The following PRKN variants were observed in gnomAD, a reference collection of about 807,000 sequenced individuals.
PRKN encodes the protein E3 ubiquitin-protein ligase parkin.
PRKN carries 56 observed loss-of-function variants against 59.5 expected under a neutral mutation model. The ratio of observed to expected loss-of-function variants is 0.94; its 90% CI spans 0.76 to 1.18. The LOEUF is 1.18. Among genes scored for constraint, PRKN ranks in the 50% most tolerant of loss-of-function variants. PRKN has a pLI of 0.00. For synonymous variants in PRKN, 250 were observed against 222.1 expected (o/e 1.13, Z -1.12); for missense variants, 657 against 596.4 (o/e 1.10, Z -1.06).
chr6:162,370,259 G>T (rs1053309831), intron 2 of PRKN, among the ~76,000 whole-genome samples: 1 of 152,062 alleles, frequency 6.6e-6, no homozygotes, highest in Non-Finnish European at 1.5e-5. Context: ...CCTGGCAGAT[G>T]ATTTGGATGT....
At chr6:162,096,059 T>C (rs748527553) in intron 4 of PRKN, among the ~76,000 whole-genome samples, 7 of 152,180 alleles carry the variant, frequency 4.6e-5, no homozygotes, top group Non-Finnish European at 1.0e-4. Flanking sequence ...AGCACTTATT[T>C]CATATGTGGA....
At chr6:161,394,733 A>G (rs543047489) in intron 9 of PRKN, among the ~76,000 whole-genome samples, 5 of 152,276 alleles carry the variant, frequency 3.3e-5, no homozygotes, top group African/African-American at 9.6e-5. Context: ...AATGAGGAGA[A>G]AAGACCCACT....
intron 1 of PRKN, among the ~76,000 whole-genome samples, chr6:162,614,958 T>C (rs1354979795): frequency 6.6e-6 from 1 of 152,146 alleles, no homozygotes; most frequent in Non-Finnish European, 1.5e-5. Flanking sequence ...TCAAGATGTG[T>C]CCATGGTGGC....
chr6:162,249,124 C>T (rs549805837), intron 3 of PRKN, among the ~76,000 whole-genome samples: 49 of 152,222 alleles, frequency 3.2e-4, no homozygotes, highest in East Asian at 1.4e-3. Flanking sequence ...GTGATCAGCC[C>T]GCCTTGGCCT....
intron 7 of PRKN, among the ~76,000 whole-genome samples, chr6:161,773,993 T>A (rs932539219): frequency 3.3e-5 from 5 of 152,112 alleles, no homozygotes; most frequent in African/African-American, 1.2e-4. Context: ...TCCAGACACA[T>A]GCATGCATCA....
At chr6:162,061,920 AAGAC>A (rs1381784366) in intron 4 of PRKN, among the ~76,000 whole-genome samples, 1 of 152,248 alleles carries the variant, frequency 6.6e-6, no homozygotes, top group African/African-American at 2.4e-5. Flanking sequence ...GCCCATGTAA[AAGAC>A]AGGCAAGTTG....
At chr6:162,374,094 C>A (rs1785912141) in intron 2 of PRKN, among the ~76,000 whole-genome samples, 1 of 152,194 alleles carries the variant, frequency 6.6e-6, no homozygotes, top group South Asian at 2.1e-4. Flanking sequence ...AACTTTAGGC[C>A]AGACTTAAAA....
chr6:162,652,341 T>C (rs951940871), intron 1 of PRKN, among the ~76,000 whole-genome samples: 1 of 152,206 alleles, frequency 6.6e-6, no homozygotes, highest in African/African-American at 2.4e-5. Context: ...ACTTTCAGTG[T>C]GTTCTTAACT....
At chr6:161,748,899 AG>A (rs1452194507) in intron 7 of PRKN, among the ~76,000 whole-genome samples, 1 of 152,222 alleles carries the variant, frequency 6.6e-6, no homozygotes, top group Non-Finnish European at 1.5e-5. Context: ...AAAAGCTTAA[AG>A]GAGAAATTCC....
chr6:161,627,171 A>C (rs1783120488), intron 7 of PRKN, among the ~76,000 whole-genome samples: 1 of 152,232 alleles, frequency 6.6e-6, no homozygotes, highest in Admixed American at 6.5e-5. Context: ...AGAAAAGCCT[A>C]GGAAACAGAG....
intron 6 of PRKN, among the ~76,000 whole-genome samples, chr6:161,811,684 A>G (rs1232687797): frequency 6.6e-6 from 1 of 152,200 alleles, no homozygotes; most frequent in Non-Finnish European, 1.5e-5. Flanking sequence ...GCACTTTGGG[A>G]GGCCGAGGCG....
intron 4 of PRKN, among the ~76,000 whole-genome samples, chr6:162,086,898 T>G (rs890148617): frequency 1.3e-5 from 2 of 152,214 alleles, no homozygotes; most frequent in Non-Finnish European, 2.9e-5. Flanking sequence ...TTCGTATTTG[T>G]GGAATGAAAT....
At chr6:162,497,783 G>A (rs1428561785) in intron 1 of PRKN, among the ~76,000 whole-genome samples, 1 of 152,150 alleles carries the variant, frequency 6.6e-6, no homozygotes, top group Non-Finnish European at 1.5e-5. Flanking sequence ...GGGGGAGGAG[G>A]AAAAGAGGTT....
intron 6 of PRKN, among the ~76,000 whole-genome samples, chr6:161,956,765 T>C (rs972724511): frequency 1.3e-5 from 2 of 152,284 alleles, no homozygotes; most frequent in South Asian, 2.1e-4. Flanking sequence ...GTGACACCTA[T>C]GTAAAAACCA....
intron 3 of PRKN, among the ~76,000 whole-genome samples, chr6:162,206,336 T>C (rs1445107775): frequency 6.6e-6 from 1 of 152,154 alleles, no homozygotes; most frequent in Non-Finnish European, 1.5e-5. Flanking sequence ...AGAAGGAAAG[T>C]AGCCAGTGCA....
At chr6:162,192,893 G>A (rs1314308614) in intron 4 of PRKN, among the ~76,000 whole-genome samples, 1 of 152,082 alleles carries the variant, frequency 6.6e-6, no homozygotes, top group Non-Finnish European at 1.5e-5. Context: ...GCGACATCTG[G>A]TATGTTCCCA....
chr6:161,665,428 G>A (rs920032707), intron 7 of PRKN, among the ~76,000 whole-genome samples: 2 of 152,276 alleles, frequency 1.3e-5, no homozygotes, highest in Admixed American at 6.5e-5. Flanking sequence ...CATAATGGTA[G>A]ATTTATACTA....
At chr6:162,489,470 A>G (rs1302504674) in intron 1 of PRKN, among the ~76,000 whole-genome samples, 3 of 152,220 alleles carry the variant, frequency 2.0e-5, no homozygotes, top group African/African-American at 7.2e-5. Context: ...CCCACAAAAA[A>G]GTATGAGTTT....
intron 4 of PRKN, among the ~76,000 whole-genome samples, chr6:162,087,838 C>G (rs1285059147): frequency 6.6e-6 from 1 of 151,924 alleles, no homozygotes; most frequent in African/African-American, 2.4e-5. Context: ...GTGATCCACC[C>G]GCCTCAGCCT....
Sources: allele counts gnomAD v4.1 joint callset (sites outside exome capture counted in the v4.1 genomes callset), GRCh38; gene constraint gnomAD v4.1.1; transcripts MANE v1.5; gene names NCBI Gene and HGNC (gene_info 2026-07-23, HGNC 2026-07-21).